PCDHGA11: variants seen among roughly 807,000 people sequenced by gnomAD.
The protein encoded by PCDHGA11 is protocadherin gamma-A11.
Under a neutral mutation model 60.4 loss-of-function variants are expected in PCDHGA11, and 39 were observed. The observed-to-expected ratio is 0.65, with a 90% CI of 0.50 to 0.84. The LOEUF is 0.84. Ranked by LOEUF, PCDHGA11 falls within the 40% of genes least tolerant of loss-of-function variation. PCDHGA11 has a pLI of 0.00. For missense variants in PCDHGA11, 1,165 were observed against 1,197.7 expected (o/e 0.97, Z 0.40); for synonymous variants, 533 against 510.3 (o/e 1.04, Z -0.60).
intron 1 of PCDHGA11, chr5:141,427,539 A>G: frequency 1.6e-6 from 1 of 632,868 alleles, no homozygotes; most frequent in Non-Finnish European, 2.9e-6. Context: ...GTACAACGTC[A>G]CCATCACTGC....
At chr5:141,469,721 A>G (rs1238006043) in intron 1 of PCDHGA11, among the ~76,000 whole-genome samples, 5 of 152,270 alleles carry the variant, frequency 3.3e-5, no homozygotes, top group African/African-American at 1.2e-4. Context: ...TTAGGAATTT[A>G]TCATAAATAC....
Position 141,431,954 on chromosome 5 carries a change from G to T in PCDHGA11, c.2433+8294G>T. On this transcript the variant is annotated intron_variant, in intron 1 of 3. Coordinates refer to ENST00000398587, the MANE Select transcript of PCDHGA11 (RefSeq NM_018914.3). The surrounding 1 kb of genome is among the most constrained non-coding windows in gnomAD (Gnocchi z 4.8). Reference sequence around the variant, plus strand: ...GCCCTTTAAATTAGAAAAATCTTACGGAAATTACTATAGTTTAGTCACAGA... The same window carrying T: ...GCCCTTTAAATTAGAAAAATCTTACTGAAATTACTATAGTTTAGTCACAGA... The T allele has an allele frequency of 6.2e-7, 1 of 1,614,110 alleles. No homozygotes were observed. Among genetic ancestry groups the T allele is most frequent in the Non-Finnish European group, 8.5e-7 (1 of 1,180,010 alleles).
At chr5:141,461,826 T>G (rs1466528519) in intron 1 of PCDHGA11, among the ~76,000 whole-genome samples, 2 of 151,912 alleles carry the variant, frequency 1.3e-5, no homozygotes, top group Non-Finnish European at 1.5e-5. Flanking sequence ...GCTAATTTTT[T>G]TTTCTTTTTT....
Position 141,490,446 on chromosome 5 carries a change from C to T in PCDHGA11, c.2434-4361C>T, listed in dbSNP as rs779502898. 2.5e-6 allele frequency: 4 copies of T among 1,614,196 alleles called. No homozygotes were observed. The highest frequency in any genetic ancestry group is 3.4e-6 in the Non-Finnish European group (4 of 1,180,016). ...CATTTCAGATTAAGCCTTCTGAGAA[C>T]CACTACTCGCTGCTAACCAGCCAGC... On this transcript the variant is annotated intron_variant, in intron 1 of 3. Coordinates refer to ENST00000398587, the MANE Select transcript of PCDHGA11 (RefSeq NM_018914.3). The surrounding 1 kb of genome is among the most constrained non-coding windows in gnomAD (Gnocchi z 5.4).
intron 1 of PCDHGA11, among the ~76,000 whole-genome samples, chr5:141,462,574 C>T (rs1308899602): frequency 2.0e-5 from 3 of 152,036 alleles, no homozygotes; most frequent in Non-Finnish European, 4.4e-5. Context: ...TTGCTAATCC[C>T]ATCCAGTGAA....
rs532907359 is a variant in PCDHGA11, at chr5:141,500,353, C to T, written c.2493-5040C>T. 1.9e-4 allele frequency among the ~76,000 whole-genome samples: 29 copies of T among 152,052 alleles called. No homozygotes were observed. The East Asian group carries it at 5.2e-3, about 27-fold the overall frequency. The stretch of plus-strand genomic sequence containing the variant: ...CCTCCAGAATAGCTGGGACTACAGG[C>T]GCCCACTACCACGCCCGGCTAATTA... On this transcript the variant is annotated intron_variant, in intron 2 of 3. Transcript: ENST00000398587.
At chr5:141,453,475 A>C (rs2098766452) in intron 1 of PCDHGA11, among the ~76,000 whole-genome samples, 1 of 151,996 alleles carries the variant, frequency 6.6e-6, no homozygotes, top group Non-Finnish European at 1.5e-5. Context: ...ATAAAGTCAA[A>C]ACTATTAAAA....
intron 1 of PCDHGA11, among the ~76,000 whole-genome samples, chr5:141,488,541 T>C (rs2099676694): frequency 6.6e-6 from 1 of 152,184 alleles, no homozygotes; most frequent in South Asian, 2.1e-4. Flanking sequence ...CTAAGTCCCA[T>C]GTCAGCTGAC....
chr5:141,476,912 G>A lies in PCDHGA11; in HGVS notation c.2434-17895G>A, dbSNP rs1196222770. 1.9e-6 allele frequency: 3 copies of A among 1,614,098 alleles called. No homozygotes were observed. Among genetic ancestry groups the A allele is most frequent in the Non-Finnish European group, 2.5e-6 (3 of 1,180,048 alleles). On this transcript the variant is annotated intron_variant, in intron 1 of 3. Coordinates refer to ENST00000398587, the MANE Select transcript of PCDHGA11 (RefSeq NM_018914.3). The surrounding 1 kb of genome is among the most constrained non-coding windows in gnomAD (Gnocchi z 7.6). Reference sequence around the variant, plus strand: ...ACCCTCCGGCACGCGCGTGGTACAAGTCCTTGCAACGGATCTGGATGAAGG... The same window carrying A: ...ACCCTCCGGCACGCGCGTGGTACAAATCCTTGCAACGGATCTGGATGAAGG...
chr5:141,487,176 A>T lies in PCDHGA11; in HGVS notation c.2434-7631A>T. ...ACTCTCTTAGTGTCCTTAGAGGAAG[A>T]CACTCATCCAGTTGTCCCAGATCTT... On this transcript the variant is annotated intron_variant, in intron 1 of 3. Transcript: ENST00000398587. This position sits in a 1 kb window ranked among gnomAD's most constrained non-coding sequence, Gnocchi z 5.0. 1 of 1,613,774 alleles carries T rather than the reference A, an allele frequency of 6.2e-7. No individual in the cohort carries two copies. Among genetic ancestry groups the T allele is most frequent in the South Asian group, 1.1e-5 (1 of 91,082 alleles).
rs558074504 is a variant in PCDHGA11, at chr5:141,489,065, C to G, written c.2434-5742C>G. On this transcript the variant is annotated intron_variant, in intron 1 of 3. Coordinates refer to ENST00000398587, the MANE Select transcript of PCDHGA11 (RefSeq NM_018914.3). This position sits in a 1 kb window ranked among gnomAD's most constrained non-coding sequence, Gnocchi z 4.5. ...CCACTCAAATTCAGCTCCCCTCCCC[C>G]CTGCCCACCCCCGCCACTCGGTGAC... is the stretch of plus-strand genomic sequence containing the variant. The G allele has an allele frequency of 1.5e-4, 57 of 389,046 alleles. No homozygotes were observed. Among genetic ancestry groups the G allele is most frequent in the African/African-American group, 8.5e-4 (40 of 47,278 alleles). 24.1% of individuals were successfully genotyped at this position (389,046 alleles called of 1,614,324 possible).
chr5:141,467,162 C>T (rs765574629), intron 1 of PCDHGA11, among the ~76,000 whole-genome samples: 1 of 151,724 alleles, frequency 6.6e-6, no homozygotes, highest in Non-Finnish European at 1.5e-5. Flanking sequence ...AAGTGATTCT[C>T]ATCTCTCAGC....
intron 1 of PCDHGA11, among the ~76,000 whole-genome samples, chr5:141,452,578 C>T (rs2098744735): frequency 6.6e-6 from 1 of 152,150 alleles, no homozygotes; most frequent in African/African-American, 2.4e-5. Flanking sequence ...TCCCCCTTTC[C>T]ATCTTTGTAT....
intron 2 of PCDHGA11, 69 bp from the exon 3 acceptor site, chr5:141,505,324 G>T: frequency 6.2e-7 from 1 of 1,607,102 alleles, no homozygotes; most frequent in African/African-American, 1.3e-5. Context: ...GGAGCCCTGG[G>T]AGAGGACAGG....
At chr5:141,510,910 A>T (rs780792326) in intron 3 of PCDHGA11, 37 bp from the exon 4 acceptor site, 1 of 1,613,740 alleles carries the variant, frequency 6.2e-7, no homozygotes, top group East Asian at 2.2e-5. Flanking sequence ...GAGGACCCTA[A>T]GTTTAGCTCC....
In PCDHGA11 at chr5:141,485,870, C is replaced by A. The variant is rs745737454; in HGVS notation, c.2434-8937C>A. On this transcript the variant is annotated intron_variant, in intron 1 of 3. Coordinates refer to ENST00000398587, the MANE Select transcript of PCDHGA11 (RefSeq NM_018914.3). The surrounding 1 kb of genome is among the most constrained non-coding windows in gnomAD (Gnocchi z 5.7). ...CACCGCAGAGCTCCGGGTATCCGTGCTGGACGTAAACGACAACGCCCCAGC... is the reference window on the plus strand; with the variant it reads ...CACCGCAGAGCTCCGGGTATCCGTGATGGACGTAAACGACAACGCCCCAGC... 1 of 1,614,174 alleles carries A rather than the reference C, an allele frequency of 6.2e-7. No homozygotes were observed. Among genetic ancestry groups the A allele is most frequent in the Non-Finnish European group, 8.5e-7 (1 of 1,180,032 alleles).
In PCDHGA11 at chr5:141,462,383, G is replaced by A. The variant is rs78537075; in HGVS notation, c.2434-32424G>A. Among the ~76,000 whole-genome samples the A allele has an allele frequency of 5.6e-4, 85 of 151,920 alleles. 1 individual carries two copies. In the East Asian group the frequency reaches 0.016, roughly 29 times the overall value. ...GTATAGTTTCTATTCTTTTAAATTC[G>A]TTAACATTTCTTTTATGGCACAGAA... On this transcript the variant is annotated intron_variant, in intron 1 of 3. Transcript: ENST00000398587.
At chr5:141,502,907 G>C (rs1335363561) in intron 2 of PCDHGA11, among the ~76,000 whole-genome samples, 2 of 138,924 alleles carry the variant, frequency 1.4e-5, no homozygotes, top group Non-Finnish European at 3.0e-5. Context: ...CTGTTGCCAG[G>C]CTGGAGTGCA....
At chr5:141,503,479 G>A (rs1203644194) in intron 2 of PCDHGA11, among the ~76,000 whole-genome samples, 5 of 151,616 alleles carry the variant, frequency 3.3e-5, no homozygotes, top group African/African-American at 9.7e-5. Context: ...TGCACTTGTC[G>A]TCCCAGCTGC....
Sources: allele counts gnomAD v4.1 joint callset (sites outside exome capture counted in the v4.1 genomes callset), GRCh38; gene constraint gnomAD v4.1.1; non-coding constraint Gnocchi (gnomAD v3.1); transcripts MANE v1.5; gene names NCBI Gene and HGNC (gene_info 2026-07-23, HGNC 2026-07-21).